The following PPARG variants were observed in gnomAD, a reference collection of about 807,000 sequenced individuals.
PPARG encodes the protein peroxisome proliferator-activated receptor gamma.
PPARG carries 17 observed loss-of-function variants against 39.2 expected under a neutral mutation model. The ratio of observed to expected loss-of-function variants is 0.43; its 90% CI spans 0.30 to 0.65. PPARG has a LOEUF of 0.65. PPARG is among the 30% of genes least tolerant of loss of function. The pLI, the probability that PPARG is intolerant of heterozygous loss-of-function variation, is 0.13. For missense variants in PPARG, 406 were observed against 585.9 expected (o/e 0.69, Z 3.17); for synonymous variants, 223 against 215.7 (o/e 1.03, Z -0.30).
At chr3:12,418,919 GTTTTTGTTGTTGTTGTTGTTTGT>G (rs1466565052) in intron 7 of PPARG, among the ~76,000 whole-genome samples, 1 of 152,032 alleles carries the variant, frequency 6.6e-6, no homozygotes, top group Non-Finnish European at 1.5e-5. Flanking sequence ...GATATTGTGG[GTTTTTGTTGTTGTTGTTGTTTGT>G]TTTTTGTTTT....
chr3:12,385,697 C>T (rs971027327), intron 4 of PPARG, among the ~76,000 whole-genome samples: 1 of 152,128 alleles, frequency 6.6e-6, no homozygotes, highest in African/African-American at 2.4e-5. Flanking sequence ...CAAAAGAATG[C>T]CGTATGCTTG....
At chr3:12,327,319 G>C (rs2047723140) in intron 2 of PPARG, among the ~76,000 whole-genome samples, 1 of 152,168 alleles carries the variant, frequency 6.6e-6, no homozygotes, top group East Asian at 1.9e-4. Flanking sequence ...CAGTCTAAGT[G>C]GAACTTTGGC....
At chr3:12,309,067 A>G (rs918745972) in intron 1 of PPARG, among the ~76,000 whole-genome samples, 2 of 152,228 alleles carry the variant, frequency 1.3e-5, no homozygotes, top group African/African-American at 2.4e-5. Context: ...TTAATCTCCA[A>G]AAATGAAGAC....
intron 7 of PPARG, among the ~76,000 whole-genome samples, chr3:12,425,886 T>A (rs1440838868): frequency 6.6e-6 from 1 of 152,186 alleles, no homozygotes; most frequent in Non-Finnish European, 1.5e-5. Flanking sequence ...AATCTCGGGT[T>A]CCATTTTCAC....
chr3:12,363,175 C>G (rs1255859769), intron 2 of PPARG, among the ~76,000 whole-genome samples: 2 of 152,178 alleles, frequency 1.3e-5, no homozygotes, highest in Non-Finnish European at 2.9e-5. Flanking sequence ...CCACCTTGGC[C>G]TCCCAAAGTG....
At chr3:12,393,028 A>G (rs974822010) in intron 5 of PPARG, among the ~76,000 whole-genome samples, 4 of 152,212 alleles carry the variant, frequency 2.6e-5, no homozygotes, top group African/African-American at 9.6e-5. Flanking sequence ...GAACAAATAT[A>G]ATGATCATCA....
intron 1 of PPARG, among the ~76,000 whole-genome samples, chr3:12,304,420 A>G (rs1169263710): frequency 6.6e-6 from 1 of 152,224 alleles, no homozygotes; most frequent in South Asian, 2.1e-4. Flanking sequence ...GTAGACTCCT[A>G]TAGGAGTGAT....
intron 2 of PPARG, among the ~76,000 whole-genome samples, chr3:12,337,043 CT>C (rs1308403675): frequency 4.6e-5 from 7 of 152,156 alleles, no homozygotes; most frequent in African/African-American, 1.7e-4. Context: ...CTTCAAATGA[CT>C]TAATAATATA....
At chr3:12,420,789 A>G (rs2051234768) in intron 7 of PPARG, among the ~76,000 whole-genome samples, 1 of 152,184 alleles carries the variant, frequency 6.6e-6, no homozygotes, top group Non-Finnish European at 1.5e-5. Flanking sequence ...AACTGCTGAT[A>G]CCATTTGATT....
rs762351016 is a variant in PPARG at position 12,406,194 on chromosome 3, A to G, written c.729+113A>G. 1.0e-5 allele frequency: 11 copies of G among 1,101,350 alleles called. No homozygotes were observed. In the African/African-American group the frequency reaches 1.6e-4, roughly 16 times the overall value. The allele number at this position is 1,101,350 out of a possible 1,614,324, so 68.2% of individuals were successfully genotyped here. Reference sequence around the variant, plus strand: ...AAATGCACACACAGAATATTGTTCAACTGTTGGCTGTTAACATATTGCAGG... The same window carrying G: ...AAATGCACACACAGAATATTGTTCAGCTGTTGGCTGTTAACATATTGCAGG... On this transcript the variant is annotated intron_variant, in intron 6 of 7. Coordinates refer to ENST00000651735, the MANE Select transcript of PPARG (RefSeq NM_138711.6).
intron 3 of PPARG, among the ~76,000 whole-genome samples, chr3:12,380,773 T>C (rs1287952596): frequency 6.6e-6 from 1 of 152,148 alleles, no homozygotes; most frequent in Non-Finnish European, 1.5e-5. Flanking sequence ...TCCGCCACGC[T>C]CTGTCAAAGA....
intron 2 of PPARG, among the ~76,000 whole-genome samples, chr3:12,333,531 C>T (rs574428117): frequency 2.0e-5 from 3 of 152,194 alleles, no homozygotes; most frequent in African/African-American, 7.2e-5. Context: ...GTGGTGCCAT[C>T]GTGGCTCACT....
chr3:12,379,994 C>T, intron 3 of PPARG, 63 bp downstream of exon 3: 4 of 1,351,482 alleles, frequency 3.0e-6, no homozygotes, highest in South Asian at 2.3e-5. Flanking sequence ...CTCTCAGTAA[C>T]CCTGTAATAA....
intron 5 of PPARG, among the ~76,000 whole-genome samples, chr3:12,398,160 T>C (rs1192896017): frequency 7.4e-5 from 11 of 149,058 alleles, no homozygotes; most frequent in Admixed American, 7.3e-4. Flanking sequence ...CAGATACATA[T>C]TACCAAAAAA....
chr3:12,324,906 A>G (rs987946000), intron 2 of PPARG, among the ~76,000 whole-genome samples: 3 of 152,206 alleles, frequency 2.0e-5, no homozygotes, highest in South Asian at 4.1e-4. Context: ...CCTCAGCATC[A>G]AGGACAGTGC....
chr3:12,405,123 ATC>A (rs1306324032), intron 5 of PPARG, among the ~76,000 whole-genome samples: 1 of 152,242 alleles, frequency 6.6e-6, no homozygotes, highest in Non-Finnish European at 1.5e-5. Flanking sequence ...AAGAAAACAT[ATC>A]TGAGTTGAAA....
At chr3:12,384,989 A>G (rs968477017) in intron 4 of PPARG, among the ~76,000 whole-genome samples, 2 of 152,208 alleles carry the variant, frequency 1.3e-5, no homozygotes, top group African/African-American at 4.8e-5. Flanking sequence ...GAAGAAATGC[A>G]GTTACTCATT....
intron 2 of PPARG, among the ~76,000 whole-genome samples, chr3:12,356,319 C>T (rs984830075): frequency 6.6e-6 from 1 of 152,186 alleles, no homozygotes; most frequent in African/African-American, 2.4e-5. Flanking sequence ...TAACTGATAG[C>T]AACTGCCATC....
chr3:12,291,551 A>G (rs2046649356), intron 1 of PPARG, among the ~76,000 whole-genome samples: 3 of 152,208 alleles, frequency 2.0e-5, no homozygotes, highest in Admixed American at 2.0e-4. Flanking sequence ...CTGTTATTTA[A>G]CTAAAATGTC....
Sources: allele counts gnomAD v4.1 joint callset (sites outside exome capture counted in the v4.1 genomes callset), GRCh38; gene constraint gnomAD v4.1.1; transcripts MANE v1.5; gene names NCBI Gene and HGNC (gene_info 2026-07-23, HGNC 2026-07-21).